The following SPMIP2 variants were observed in gnomAD, a reference collection of about 807,000 sequenced individuals.
SPMIP2 encodes protein SPMIP2.
the SPMIP2 span, among the ~76,000 whole-genome samples, chr4:159,059,224 T>TG: frequency 0.19 from 28,851 of 152,088 alleles, 2,752 homozygotes; most frequent in Admixed American, 0.25. Context: ...TATACGAGGC[T>TG]GGGGGTTGAA....
the SPMIP2 span, among the ~76,000 whole-genome samples, chr4:158,947,935 A>G: frequency 1.3e-5 from 2 of 152,356 alleles, no homozygotes; most frequent in Middle Eastern, 3.4e-3. Context: ...TAATTTAGAT[A>G]CATGTAGATA....
the SPMIP2 span, among the ~76,000 whole-genome samples, chr4:158,925,528 G>A: frequency 6.6e-6 from 1 of 152,156 alleles, no homozygotes; most frequent in Non-Finnish European, 1.5e-5. Context: ...GGTTGAATGG[G>A]ATGGTTTCAG....
chr4:159,037,387 T>C, the SPMIP2 span, among the ~76,000 whole-genome samples: 2 of 152,178 alleles, frequency 1.3e-5, no homozygotes, highest in Non-Finnish European at 2.9e-5. Flanking sequence ...AGTAAAATCC[T>C]TAATGGATAT....
chr4:158,970,878 G>A, the SPMIP2 span, among the ~76,000 whole-genome samples: 15 of 152,170 alleles, frequency 9.9e-5, no homozygotes, highest in Non-Finnish European at 2.2e-4. Context: ...ATTCCAAGCA[G>A]TTTCTGAGCG....
the SPMIP2 span, among the ~76,000 whole-genome samples, chr4:159,057,292 A>T: frequency 1.3e-5 from 2 of 152,254 alleles, no homozygotes; most frequent in Non-Finnish European, 2.9e-5. Context: ...CTTTTAATAT[A>T]TCTGGCAACT....
At chr4:158,918,306 C>T in the SPMIP2 span, among the ~76,000 whole-genome samples, 1 of 152,250 alleles carries the variant, frequency 6.6e-6, no homozygotes, top group Non-Finnish European at 1.5e-5. Flanking sequence ...TCCTGCCAGG[C>T]AGCTATGTAG....
At chr4:158,985,571 A>C in the SPMIP2 span, among the ~76,000 whole-genome samples, 808 of 145,654 alleles carry the variant, frequency 5.5e-3, 5 homozygotes, top group African/African-American at 0.019. Flanking sequence ...AGGCCTTTGA[A>C]AAAATTCAAC....
chr4:158,983,328 T>C, the SPMIP2 span, among the ~76,000 whole-genome samples: 1 of 151,434 alleles, frequency 6.6e-6, no homozygotes, highest in Non-Finnish European at 1.5e-5. Flanking sequence ...GAGATACTCC[T>C]TGAGAAGAGC....
At chr4:158,990,180 C>T in the SPMIP2 span, among the ~76,000 whole-genome samples, 1 of 152,196 alleles carries the variant, frequency 6.6e-6, no homozygotes, top group Admixed American at 6.5e-5. Flanking sequence ...CAATTAGATT[C>T]CATCTCACAC....
chr4:159,006,089 C>T, the SPMIP2 span, among the ~76,000 whole-genome samples: 4 of 152,124 alleles, frequency 2.6e-5, no homozygotes, highest in African/African-American at 7.2e-5. Context: ...AATGTGGCTG[C>T]CAGAAAATGT....
the SPMIP2 span, among the ~76,000 whole-genome samples, chr4:158,940,171 A>G: frequency 6.6e-6 from 1 of 152,080 alleles, no homozygotes; most frequent in Non-Finnish European, 1.5e-5. Context: ...TGGCTTGTAG[A>G]TGGCCATCTT....
At chr4:159,010,970 T>A in the SPMIP2 span, among the ~76,000 whole-genome samples, 1 of 152,146 alleles carries the variant, frequency 6.6e-6, no homozygotes, top group Non-Finnish European at 1.5e-5. Context: ...TACTCTCTCT[T>A]CTTCCTAGGT....
the SPMIP2 span, among the ~76,000 whole-genome samples, chr4:158,993,264 G>A: frequency 4.9e-4 from 74 of 152,170 alleles, 1 homozygote; most frequent in East Asian, 0.014. Context: ...CTCCTCAGGA[G>A]GCTGAGGCAG....
the SPMIP2 span, among the ~76,000 whole-genome samples, chr4:159,019,625 G>A: frequency 6.6e-6 from 1 of 152,246 alleles, no homozygotes; most frequent in African/African-American, 2.4e-5. Context: ...TAGAATTCAG[G>A]AAACCAGCTC....
At chr4:158,992,742 A>G in the SPMIP2 span, among the ~76,000 whole-genome samples, 1 of 152,136 alleles carries the variant, frequency 6.6e-6, no homozygotes, top group African/African-American at 2.4e-5. Context: ...GGAGGGGAGG[A>G]ACACCAGGTC....
the SPMIP2 span, among the ~76,000 whole-genome samples, chr4:159,038,049 T>A: frequency 6.6e-6 from 1 of 152,204 alleles, no homozygotes; most frequent in South Asian, 2.1e-4. Flanking sequence ...CAGTCCACTA[T>A]TAGTGGTCAT....
the SPMIP2 span, among the ~76,000 whole-genome samples, chr4:159,075,264 A>G: frequency 6.6e-6 from 1 of 152,210 alleles, no homozygotes; most frequent in Non-Finnish European, 1.5e-5. Flanking sequence ...ATACATGTAC[A>G]TTTCATGTGA....
At chr4:158,918,476 T>G in the SPMIP2 span, among the ~76,000 whole-genome samples, 423 of 152,386 alleles carry the variant, frequency 2.8e-3, 3 homozygotes, top group African/African-American at 9.7e-3. Flanking sequence ...GATTAATGAT[T>G]CAAGGGAAAA....
At chr4:159,075,728 A>G in the SPMIP2 span, among the ~76,000 whole-genome samples, 1 of 152,084 alleles carries the variant, frequency 6.6e-6, no homozygotes, top group African/African-American at 2.4e-5. Flanking sequence ...ACATTTTTAG[A>G]TCCAATTAAA....
Sources: allele counts gnomAD v4.1 joint callset (sites outside exome capture counted in the v4.1 genomes callset), GRCh38; gene constraint gnomAD v4.1.1; transcripts MANE v1.5; gene names NCBI Gene and HGNC (gene_info 2026-07-23, HGNC 2026-07-21).